SHROOM4: variants seen among roughly 807,000 people sequenced by gnomAD.
The protein encoded by SHROOM4 is protein Shroom4.
A neutral mutation model predicts 80.3 loss-of-function variants in SHROOM4; 17 were observed. The observed-to-expected ratio is 0.21, with a 90% CI of 0.14 to 0.32. The LOEUF is 0.32. SHROOM4 is among the 10% of genes least tolerant of loss of function. SHROOM4 has a pLI of 1.00. For missense variants in SHROOM4, 993 were observed against 1,140.3 expected (o/e 0.87, Z 1.86); for synonymous variants, 400 against 437.5 (o/e 0.91, Z 1.07).
chrX:50,732,806 G>A (rs1557266410), intron 1 of SHROOM4, among the ~76,000 whole-genome samples: 1 of 112,070 alleles, frequency 8.9e-6, no homozygotes, highest in Non-Finnish European at 1.9e-5. Flanking sequence ...CCTAGGCCCA[G>A]ATATCTTCAC....
intron 1 of SHROOM4, among the ~76,000 whole-genome samples, chrX:50,808,612 T>C (rs1434298893): frequency 9.0e-6 from 1 of 110,782 alleles, no homozygotes; most frequent in African/African-American, 3.3e-5. Context: ...GTCAGCATCT[T>C]TTTTCCCTTA....
At chrX:50,609,157 G>C (rs1406561421) in intron 5 of SHROOM4, among the ~76,000 whole-genome samples, 3 of 109,812 alleles carry the variant, frequency 2.7e-5, no homozygotes, top group Non-Finnish European at 5.7e-5. Context: ...AGCTACATGG[G>C]AGGCTGAGAT....
At chrX:50,632,636 G>T (rs1255341436) in intron 4 of SHROOM4, among the ~76,000 whole-genome samples, 1 of 112,256 alleles carries the variant, frequency 8.9e-6, no homozygotes, top group Non-Finnish European at 1.9e-5. Context: ...AAAGCCTGGG[G>T]ATATTTGCAA....
chrX:50,710,679 A>T (rs1380495725), intron 1 of SHROOM4, among the ~76,000 whole-genome samples: 1 of 112,036 alleles, frequency 8.9e-6, no homozygotes, highest in Non-Finnish European at 1.9e-5. Flanking sequence ...AATTATTTTT[A>T]AAAATGTATA....
intron 2 of SHROOM4, among the ~76,000 whole-genome samples, chrX:50,642,274 T>C (rs1162167770): frequency 1.8e-5 from 2 of 111,956 alleles, no homozygotes; most frequent in East Asian, 5.6e-4. Context: ...AGTTATGTTT[T>C]GGATTAAATG....
At chrX:50,669,818 C>A (rs1557260649) in intron 2 of SHROOM4, among the ~76,000 whole-genome samples, 1 of 111,997 alleles carries the variant, frequency 8.9e-6, no homozygotes, top group South Asian at 3.8e-4. Flanking sequence ...AATTCAGTCA[C>A]ATCTTCAGGT....
intron 5 of SHROOM4, among the ~76,000 whole-genome samples, chrX:50,610,382 A>G (rs1022854908): frequency 1.3e-4 from 14 of 110,343 alleles, no homozygotes; most frequent in Non-Finnish European, 1.9e-4. Context: ...ACACACACAC[A>G]CAGTGATGGA....
chrX:50,738,798 T>A (rs1934568659), intron 1 of SHROOM4, among the ~76,000 whole-genome samples: 3 of 111,537 alleles, frequency 2.7e-5, no homozygotes, highest in Admixed American at 9.5e-5. Context: ...CAAGCTACCA[T>A]TGACTTTTTT....
At position 50,724,756 on chromosome X, in the gene SHROOM4, C is replaced by T. The variant is rs1254623815; in HGVS notation, c.118-28819G>A. On this transcript the variant is annotated intron_variant, in intron 1 of 8. Coordinates refer to ENST00000376020, the MANE Select transcript of SHROOM4 (RefSeq NM_020717.5). ...TCAGCCTCCCAAAGGGCGGGGGTTA[C>T]AGGCATGAGCCACCGTGCCCGGCCC... is the stretch of plus-strand genomic sequence containing the variant. Among the ~76,000 whole-genome samples, 11 of 112,765 alleles carry T rather than the reference C, an allele frequency of 9.8e-5. 1 individual carries two copies. Among genetic ancestry groups the T allele is most frequent in the Admixed American group, 4.7e-4 (5 of 10,682 alleles).
At chrX:50,811,543 A>T (rs1165687086) in intron 1 of SHROOM4, among the ~76,000 whole-genome samples, 1 of 111,508 alleles carries the variant, frequency 9.0e-6, no homozygotes, top group Non-Finnish European at 1.9e-5. Flanking sequence ...ACAGACTAAG[A>T]AGGCTGTTTT....
chrX:50,638,305 C>T lies in SHROOM4; in HGVS notation c.273G>A (p.Arg91=). The T allele has an allele frequency of 2.5e-6, 3 of 1,211,801 alleles. No individual in the cohort carries two copies. The highest frequency in any genetic ancestry group is 3.4e-6 in the Non-Finnish European group (3 of 895,416). The part of the protein sequence containing the change: ...FRILKLIVRR[R]NAPVSRPHSW... ...AGTGCGGCCTACTGACAGGGGCGTTCCTCCTACAGCAAGAAAGGGACAGGA... is the reference window on the plus strand; with the variant it reads ...AGTGCGGCCTACTGACAGGGGCGTTTCTCCTACAGCAAGAAAGGGACAGGA... Residue 91 remains arginine (R), a synonymous_variant, in exon 3 of 9, where the codon AGG becomes AGA. Transcript: ENST00000376020.
intron 3 of SHROOM4, among the ~76,000 whole-genome samples, chrX:50,636,497 T>C (rs1224180696): frequency 9.0e-6 from 1 of 111,028 alleles, no homozygotes; most frequent in Non-Finnish European, 1.9e-5. Flanking sequence ...AGATCTTTTT[T>C]TTTCTTTTTC....
chrX:50,764,891 T>C lies in SHROOM4; in HGVS notation c.117+49011A>G, dbSNP rs188230716. Among the ~76,000 whole-genome samples the C allele has an allele frequency of 1.9e-3, 212 of 112,114 alleles. 2 individuals carry two copies. Among genetic ancestry groups the C allele is most frequent in the Admixed American group, 0.016 (174 of 10,586 alleles). ...AAAAAAAGGTTTAATGGACTCACAA[T>C]TCCACATGGCTGGGGAGGCCCCACG... is the stretch of plus-strand genomic sequence containing the variant. On this transcript the variant is annotated intron_variant, in intron 1 of 8. Transcript: ENST00000376020.
intron 1 of SHROOM4, among the ~76,000 whole-genome samples, chrX:50,702,346 C>G (rs782640944): frequency 9.0e-6 from 1 of 111,149 alleles, no homozygotes; most frequent in Non-Finnish European, 1.9e-5. Context: ...TTAGAGACTC[C>G]GAAGAGAAAT....
rs782814042 is a variant in SHROOM4 at position 50,702,711 on chromosome X, T to G, written c.118-6774A>C. On this transcript the variant is annotated intron_variant, in intron 1 of 8. Transcript: ENST00000376020. ...CATAGTTATCTGGCTGCAGATCATA[T>G]GGGAATATACATAACTAAACATTCA... is the stretch of plus-strand genomic sequence containing the variant. Among the ~76,000 whole-genome samples the G allele has an allele frequency of 5.3e-5, 6 of 112,168 alleles. No individual in the cohort carries two copies. In the South Asian group the frequency reaches 2.2e-3, roughly 42 times the overall value.
At chrX:50,614,007 A>T (rs1481735647) in intron 5 of SHROOM4, among the ~76,000 whole-genome samples, 2 of 112,031 alleles carry the variant, frequency 1.8e-5, no homozygotes, top group African/African-American at 6.5e-5. Context: ...TGCATAGGGG[A>T]AGTTAGTTTG....
At chrX:50,598,225 G>A (rs782552874) in intron 8 of SHROOM4, 41 bp downstream of exon 8, 51 of 1,203,875 alleles carry the variant, frequency 4.2e-5, no homozygotes, top group Non-Finnish European at 5.5e-5. Context: ...AGAAACAAAT[G>A]GTATTTCCCT....
intron 2 of SHROOM4, among the ~76,000 whole-genome samples, chrX:50,689,124 T>C (rs782338026): frequency 9.0e-6 from 1 of 110,981 alleles, no homozygotes; most frequent in South Asian, 3.7e-4. Flanking sequence ...TTTGAGATAA[T>C]AGATATGCTA....
chrX:50,773,708 C>T (rs1935444128), intron 1 of SHROOM4, among the ~76,000 whole-genome samples: 2 of 111,947 alleles, frequency 1.8e-5, no homozygotes, highest in African/African-American at 3.2e-5. Context: ...GAGAAATACC[C>T]ATTGTACAGG....
Sources: allele counts gnomAD v4.1 joint callset (sites outside exome capture counted in the v4.1 genomes callset), GRCh38; gene constraint gnomAD v4.1.1; transcripts MANE v1.5; gene names NCBI Gene and HGNC (gene_info 2026-07-23, HGNC 2026-07-21).